Variants in DNAH8 observed in about 807,000 individuals in gnomAD.
The protein encoded by DNAH8 is dynein axonemal heavy chain 8, also known as axonemal beta dynein heavy chain 8.
Under a neutral mutation model 562.1 loss-of-function variants are expected in DNAH8, and 382 were observed. The ratio of observed to expected loss-of-function variants is 0.68; its 90% CI spans 0.63 to 0.74. The LOEUF (loss-of-function observed/expected upper bound fraction) is 0.74, where lower values mean the gene tolerates loss of function less well. DNAH8 is among the 30% of genes least tolerant of loss of function. The probability of loss-of-function intolerance (pLI) is 0.00; values close to 1 mark genes in which losing one functional copy is unlikely to be tolerated. For missense variants in DNAH8, 5,203 were observed against 5,620.4 expected, an observed-to-expected ratio of 0.93 and a Z score of 2.37; for synonymous variants, 1,881 against 1,919.4, an observed-to-expected ratio of 0.98 and a Z score of 0.52.
chr6:38,758,963 T>C (rs1034203515), intron 10 of DNAH8, among the ~76,000 whole-genome samples: 2 of 152,280 alleles, frequency 1.3e-5, no homozygotes, highest in African/African-American at 2.4e-5. Flanking sequence ...GCATCCATGT[T>C]CATCAGGGAT....
At chr6:38,890,829 G>T in intron 58 of DNAH8, 68 bp downstream of exon 58, 1 of 1,085,106 alleles carries the variant, frequency 9.2e-7, no homozygotes, top group South Asian at 1.3e-5. Flanking sequence ...ACACCTCGTG[G>T]CTCATTAAGT....
rs756571734 is a variant in DNAH8 at position 38,828,142 on chromosome 6, C to A, written c.4084-42C>A. On this transcript the variant is annotated intron_variant, in intron 29 of 92. Coordinates refer to ENST00000327475, the MANE Select transcript of DNAH8 (RefSeq NM_001206927.2). ...AGGCGTCTAAATCATTTGGCAATGGCTTTCCCTTGTGATATTTCTAAACTC... is the reference window on the plus strand; with the variant it reads ...AGGCGTCTAAATCATTTGGCAATGGATTTCCCTTGTGATATTTCTAAACTC... 6.1e-6 allele frequency: 8 copies of A among 1,305,664 alleles called. No individual in the cohort carries two copies. In the South Asian group the frequency reaches 7.9e-5, roughly 13 times the overall value. The allele number at this position is 1,305,664 out of a possible 1,614,324, so 80.9% of individuals were successfully genotyped here.
intron 82 of DNAH8, among the ~76,000 whole-genome samples, chr6:38,956,291 T>C (rs1224739606): frequency 6.6e-6 from 1 of 152,136 alleles, no homozygotes; most frequent in Non-Finnish European, 1.5e-5. Context: ...CAGGGAACTA[T>C]CCTACCTGTG....
intron 88 of DNAH8, among the ~76,000 whole-genome samples, chr6:39,006,994 T>C (rs1379153249): frequency 9.2e-5 from 14 of 152,170 alleles, no homozygotes; most frequent in Non-Finnish European, 2.1e-4. Flanking sequence ...CACCAGTTAG[T>C]TGATGCCCCC....
chr6:38,754,848 A>G (rs1765770171), intron 9 of DNAH8, among the ~76,000 whole-genome samples: 1 of 152,130 alleles, frequency 6.6e-6, no homozygotes, highest in Non-Finnish European at 1.5e-5. Flanking sequence ...CTCAGGACAT[A>G]CTTTAGTCAG....
chr6:38,934,344 C>T (rs932583135), intron 76 of DNAH8, among the ~76,000 whole-genome samples: 4 of 151,798 alleles, frequency 2.6e-5, no homozygotes, highest in African/African-American at 9.7e-5. Context: ...CAGAGGGAGA[C>T]TCCATCTCAA....
intron 20 of DNAH8, among the ~76,000 whole-genome samples, chr6:38,790,613 A>G (rs527479509): frequency 3.7e-4 from 56 of 152,184 alleles, no homozygotes; most frequent in African/African-American, 1.3e-3. Context: ...TCACGAGGTC[A>G]GGAGTTTGAG....
intron 21 of DNAH8, among the ~76,000 whole-genome samples, chr6:38,794,273 T>G (rs1386958689): frequency 1.3e-5 from 2 of 152,102 alleles, no homozygotes; most frequent in Non-Finnish European, 2.9e-5. Flanking sequence ...TAGGTCTCAT[T>G]TCTAGCCTCT....
intron 17 of DNAH8, among the ~76,000 whole-genome samples, chr6:38,783,483 G>C (rs1327893173): frequency 1.3e-5 from 2 of 152,066 alleles, no homozygotes; most frequent in African/African-American, 4.8e-5. Context: ...GTCCCATTCT[G>C]GAGAGAAAAA....
chr6:38,965,904 T>A (rs551148725), intron 82 of DNAH8, among the ~76,000 whole-genome samples: 1 of 152,264 alleles, frequency 6.6e-6, no homozygotes, highest in South Asian at 2.1e-4. Context: ...CACCTTATAT[T>A]AAATGAAGAA....
intron 49 of DNAH8, among the ~76,000 whole-genome samples, chr6:38,871,089 A>C (rs1424704344): frequency 1.3e-5 from 2 of 152,236 alleles, no homozygotes; most frequent in Non-Finnish European, 2.9e-5. Flanking sequence ...TTACCAGTAG[A>C]ATCAAGAACT....
chr6:38,848,465 A>G (rs562605999), intron 36 of DNAH8, among the ~76,000 whole-genome samples, 183 bp from the exon 37 acceptor site: 1 of 152,320 alleles, frequency 6.6e-6, no homozygotes, highest in Admixed American at 6.5e-5. Flanking sequence ...CACTGCAGTT[A>G]TATGAGTTTT....
At chr6:38,839,362 T>TG (rs143530504) in intron 33 of DNAH8, among the ~76,000 whole-genome samples, 4,801 of 136,032 alleles carry the variant, frequency 0.035, 280 homozygotes, top group East Asian at 0.28. Flanking sequence ...GAAGTTTTTT[T>TG]TTTGTTTGTT....
At chr6:38,960,064 T>C (rs539834330) in intron 82 of DNAH8, among the ~76,000 whole-genome samples, 3 of 152,206 alleles carry the variant, frequency 2.0e-5, no homozygotes, top group East Asian at 1.9e-4. Context: ...GGTAATTATA[T>C]GCAGAATAAT....
At chr6:38,906,694 C>T (rs1298902552) in intron 63 of DNAH8, among the ~76,000 whole-genome samples, 1 of 152,124 alleles carries the variant, frequency 6.6e-6, no homozygotes, top group East Asian at 1.9e-4. Flanking sequence ...CATCTATCTG[C>T]ATACTAGTGA....
chr6:38,844,144 AG>A lies in DNAH8; in HGVS notation c.4845+1243del, dbSNP rs144404514. On this transcript the variant is annotated intron_variant, in intron 35 of 92. Coordinates refer to ENST00000327475, the MANE Select transcript of DNAH8 (RefSeq NM_001206927.2). ...AATGGAGGGCTTTAGACCCCAGCCC[AG>A]GTACTCCTTTTCCTATAGATCATTT... Among the ~76,000 whole-genome samples the A allele has an allele frequency of 7.8e-3, 1,194 of 152,220 alleles. 20 individuals are homozygous for A. Among genetic ancestry groups the A allele is most frequent in the African/African-American group, 0.027 (1,114 of 41,520 alleles).
At position 38,826,325 on chromosome 6, in the gene DNAH8, A is replaced by G. The variant is rs753253981; in HGVS notation, c.4017A>G (p.Ala1339=). 6.2e-7 allele frequency: 1 copy of G among 1,613,692 alleles called. No individual in the cohort carries two copies. Among genetic ancestry groups the G allele is most frequent in the South Asian group, 1.1e-5 (1 of 90,970 alleles). ...PIRDLDDVRF[A]MEALSCIRDN... ...GTGATTTAGATGATGTCAGATTTGC[A>G]ATGGAAGCCTTGTCTTGCATACGTG... Residue 1339 remains alanine, a synonymous_variant, in exon 29 of 93, where the codon GCA becomes GCG. Transcript: ENST00000327475.
At position 38,938,033 on chromosome 6, in the gene DNAH8, G is replaced by T. The variant is rs1783109317; in HGVS notation, c.11623G>T (p.Ala3875Ser). The T allele has an allele frequency of 6.2e-7, 1 of 1,614,068 alleles. No homozygotes were observed. The highest frequency in any genetic ancestry group is 1.7e-5 in the Admixed American group (1 of 60,018). ...ACTTCGAACTACCAAGCAGACAGCA[G>T]CTGAGGTAAGTGAAAAGTTGCATGT... Reference protein sequence around the residue: ...GVLRTTKQTAAEVSEKLHVAA... With the variant: ...GVLRTTKQTASEVSEKLHVAA... The change falls in exon 78 of 93, where the codon GCT (alanine) becomes TCT (serine). Residue 3875 changes from alanine (A) to serine (S), a missense_variant. Ala to Ser is a moderately conservative substitution (Grantham distance 99, BLOSUM62 1). Coordinates refer to ENST00000327475, the MANE Select transcript of DNAH8 (RefSeq NM_001206927.2).
At chr6:38,721,158 AT>A (rs1384343479) in intron 1 of DNAH8, among the ~76,000 whole-genome samples, 2 of 152,164 alleles carry the variant, frequency 1.3e-5, no homozygotes, top group African/African-American at 4.8e-5. Context: ...AAAATAAAAA[AT>A]AAAAAAATTA....
Sources: allele counts gnomAD v4.1 joint callset (sites outside exome capture counted in the v4.1 genomes callset), GRCh38; gene constraint gnomAD v4.1.1; transcripts MANE v1.5; gene names NCBI Gene and HGNC (gene_info 2026-07-23, HGNC 2026-07-21).